The following USP3 variants were observed in gnomAD, a reference collection of about 807,000 sequenced individuals.
USP3 encodes the protein ubiquitin specific peptidase 3.
USP3 carries 20 observed loss-of-function variants against 72.3 expected under a neutral mutation model. The observed-to-expected ratio is 0.28, with a 90% CI of 0.19 to 0.40. The LOEUF (loss-of-function observed/expected upper bound fraction) is 0.40, where lower values mean the gene tolerates loss of function less well. Ranked by LOEUF, USP3 falls within the 10% of genes least tolerant of loss-of-function variation. USP3 has a pLI of 1.00. For missense variants in USP3, 479 were observed against 633.9 expected (o/e 0.76, Z 2.62); for synonymous variants, 222 against 225.3 (o/e 0.99, Z 0.13).
intron 1 of USP3, among the ~76,000 whole-genome samples, chr15:63,513,121 G>A (rs1402257587): frequency 6.6e-6 from 1 of 152,128 alleles, no homozygotes; most frequent in African/African-American, 2.4e-5. Flanking sequence ...GTTTTCTCCT[G>A]TTATTTTTTC....
intron 3 of USP3, among the ~76,000 whole-genome samples, chr15:63,545,904 G>A (rs984177151): frequency 2.7e-5 from 4 of 146,556 alleles, no homozygotes; most frequent in Middle Eastern, 3.2e-3. Context: ...CCAGGAGACG[G>A]AGGTTACAGT....
At chr15:63,543,811 A>T (rs1189728053) in intron 3 of USP3, among the ~76,000 whole-genome samples, 3 of 152,242 alleles carry the variant, frequency 2.0e-5, no homozygotes, top group African/African-American at 7.2e-5. Context: ...ATAAGACCTG[A>T]TAAGTTGGAC....
chr15:63,517,274 A>G (rs2065862949), intron 1 of USP3, among the ~76,000 whole-genome samples: 1 of 152,024 alleles, frequency 6.6e-6, no homozygotes, highest in Non-Finnish European at 1.5e-5. Context: ...AAAAATTTTA[A>G]GAGCTCTTTC....
chr15:63,582,013 C>T (rs1278150261), intron 11 of USP3, among the ~76,000 whole-genome samples: 2 of 152,172 alleles, frequency 1.3e-5, no homozygotes, highest in African/African-American at 4.8e-5. Context: ...TTTCTTTATA[C>T]ATATGTTTAT....
intron 1 of USP3, among the ~76,000 whole-genome samples, chr15:63,532,048 T>C (rs1352183706): frequency 1.3e-5 from 2 of 152,210 alleles, no homozygotes; most frequent in East Asian, 3.8e-4. Flanking sequence ...ATATTTCATT[T>C]CCATACCTTC....
rs750662861 is a variant in USP3, at chr15:63,559,930, A to G, written c.607A>G (p.Arg203Gly). Residue 203 changes from arginine to glycine, a missense_variant, in exon 7 of 15, where the codon AGG becomes GGG. Physicochemically the swap from Arg to Gly is moderately radical, Grantham distance 125 (BLOSUM62 -2). Coordinates refer to ENST00000380324, the MANE Select transcript of USP3 (RefSeq NM_006537.4). ...GTTAAGGAATGGGAAAACAGCAGGAAGGCGGACATACCACACCAGGAGCCA... is the reference window on the plus strand; with the variant it reads ...GTTAAGGAATGGGAAAACAGCAGGAGGGCGGACATACCACACCAGGAGCCA... ...VELRNGKTAG[R>G]RTYHTRSQGD... 9 of 1,614,128 alleles carry G rather than the reference A, an allele frequency of 5.6e-6. No homozygotes were observed. The highest frequency in any genetic ancestry group is 7.6e-6 in the Non-Finnish European group (9 of 1,179,968).
Position 63,584,387 on chromosome 15 carries a change from C to T in USP3, c.1097-3918C>T, listed in dbSNP as rs537387152. Among the ~76,000 whole-genome samples, 13 of 152,208 alleles carry T rather than the reference C, an allele frequency of 8.5e-5. No homozygotes were observed. In the East Asian group the frequency reaches 1.2e-3, roughly 14 times the overall value. On this transcript the variant is annotated intron_variant, in intron 11 of 14. Coordinates refer to ENST00000380324, the MANE Select transcript of USP3 (RefSeq NM_006537.4). ...TGCTGGGATTACAGGTGTGAGGCAC[C>T]GCACCCAGCCGGTACAAAGGTTTTA...
intron 7 of USP3, among the ~76,000 whole-genome samples, chr15:63,562,494 G>C (rs1364328997): frequency 6.6e-6 from 1 of 152,168 alleles, no homozygotes. Context: ...CTGGAGTCTG[G>C]GGGTGCTAGT....
At chr15:63,543,664 A>G (rs2066278729) in intron 3 of USP3, among the ~76,000 whole-genome samples, 1 of 152,230 alleles carries the variant, frequency 6.6e-6, no homozygotes, top group Non-Finnish European at 1.5e-5. Flanking sequence ...CACATGTTCT[A>G]AAAGGTTTTA....
chr15:63,579,650 C>T (rs1365652230), intron 11 of USP3, among the ~76,000 whole-genome samples: 2 of 152,088 alleles, frequency 1.3e-5, no homozygotes, highest in Non-Finnish European at 2.9e-5. Context: ...TAGGGGAGAG[C>T]TTTCTAAGCC....
At chr15:63,515,893 A>G (rs1204522411) in intron 1 of USP3, among the ~76,000 whole-genome samples, 2 of 152,192 alleles carry the variant, frequency 1.3e-5, no homozygotes, top group Non-Finnish European at 2.9e-5. Flanking sequence ...TGTAGGCTCT[A>G]TTTAGCATTC....
intron 1 of USP3, among the ~76,000 whole-genome samples, chr15:63,525,768 C>T (rs756203038): frequency 4.6e-5 from 7 of 152,070 alleles, no homozygotes; most frequent in African/African-American, 9.7e-5. Context: ...AAGTTAGGTC[C>T]GTCTGGAATA....
Position 63,548,955 on chromosome 15 carries a change from C to T in USP3, c.285-4760C>T, listed in dbSNP as rs143331191. ...AGCAGGTAGTATCTTAGATTCCCTA[C>T]ATTAGCAGTGTTATATAAAAGAGAA... On this transcript the variant is annotated intron_variant, in intron 3 of 14. Transcript: ENST00000380324. Among the ~76,000 whole-genome samples, 1,044 of 152,238 alleles carry T rather than the reference C, an allele frequency of 6.9e-3. 14 individuals carry two copies. The highest frequency in any genetic ancestry group is 0.024 in the African/African-American group (1,004 of 41,538).
chr15:63,563,761 A>G (rs2066644743), intron 8 of USP3, among the ~76,000 whole-genome samples: 1 of 152,090 alleles, frequency 6.6e-6, no homozygotes, highest in Non-Finnish European at 1.5e-5. Flanking sequence ...CATCCCTTCT[A>G]CTTTTCTTTA....
intron 5 of USP3, among the ~76,000 whole-genome samples, chr15:63,557,683 T>C (rs1372192105): frequency 6.6e-6 from 1 of 152,242 alleles, no homozygotes; most frequent in Non-Finnish European, 1.5e-5. Flanking sequence ...ATTGGTCGTT[T>C]ATGTATGGCT....
intron 5 of USP3, among the ~76,000 whole-genome samples, chr15:63,557,199 G>T (rs558928679): frequency 1.2e-4 from 19 of 152,178 alleles, no homozygotes; most frequent in African/African-American, 3.9e-4. Flanking sequence ...GCCTCCCAAG[G>T]GGGTGGGACA....
intron 4 of USP3, among the ~76,000 whole-genome samples, chr15:63,555,371 C>T (rs1038427943): frequency 2.6e-5 from 4 of 152,212 alleles, no homozygotes; most frequent in Non-Finnish European, 4.4e-5. Flanking sequence ...GAACTTTCTG[C>T]AGTGACAGAA....
chr15:63,580,097 T>C (rs2066928620), intron 11 of USP3, among the ~76,000 whole-genome samples: 1 of 152,146 alleles, frequency 6.6e-6, no homozygotes, highest in Non-Finnish European at 1.5e-5. Context: ...TGTCCACCAG[T>C]AGGGCACTGG....
chr15:63,544,729 G>T lies in USP3; in HGVS notation c.284+7573G>T, dbSNP rs1037301656. On this transcript the variant is annotated intron_variant, in intron 3 of 14. Transcript: ENST00000380324. The surrounding 1 kb of genome is among the most constrained non-coding windows in gnomAD (Gnocchi z 4.2). Reference sequence around the variant, plus strand: ...AGTGCGAAATGGAAAATACCGAGGGGTAAGAGAGTTCATGGTATATGGGAT... The same window carrying T: ...AGTGCGAAATGGAAAATACCGAGGGTTAAGAGAGTTCATGGTATATGGGAT... The T allele has an allele frequency of 1.4e-6, 1 of 702,106 alleles. No individual in the cohort carries two copies. Among genetic ancestry groups the T allele is most frequent in the Admixed American group, 2.0e-5 (1 of 49,962 alleles). The allele number at this position is 702,106 out of a possible 1,614,324, so 43.5% of individuals were successfully genotyped here. A position where few individuals can be genotyped will look rare whatever the true frequency, so the allele number is the denominator to read the frequency against.
Sources: allele counts gnomAD v4.1 joint callset (sites outside exome capture counted in the v4.1 genomes callset), GRCh38; gene constraint gnomAD v4.1.1; non-coding constraint Gnocchi (gnomAD v3.1); transcripts MANE v1.5; gene names NCBI Gene and HGNC (gene_info 2026-07-23, HGNC 2026-07-21).